The following GGTA1 variants were observed in gnomAD, a reference collection of about 807,000 sequenced individuals.
GGTA1 encodes glycoprotein alpha-galactosyltransferase 1 (inactive).
GGTA1 carries 5 observed loss-of-function variants against 2.6 expected under a neutral mutation model. The ratio of observed to expected loss-of-function variants is 1.92; its 90% CI spans 1.00 to 4.04. The LOEUF is 4.04. GGTA1 is among the 30% of genes most tolerant of loss of function. The pLI, the probability that GGTA1 is intolerant of heterozygous loss-of-function variation, is 0.00. For synonymous variants in GGTA1, 17 were observed against 5.0 expected (o/e 3.38, Z -3.19); for missense variants, 50 against 16.7 (o/e 2.99, Z -3.47).
intron 1 of GGTA1, among the ~76,000 whole-genome samples, chr9:121,498,099 T>A (rs1014862323): frequency 2.0e-5 from 3 of 152,146 alleles, no homozygotes; most frequent in Non-Finnish European, 2.9e-5. Flanking sequence ...AGTTTCCCAA[T>A]ACATAGAGGA....
intron 1 of GGTA1, among the ~76,000 whole-genome samples, chr9:121,474,707 G>A (rs894102319): frequency 1.7e-4 from 26 of 152,074 alleles, no homozygotes; most frequent in African/African-American, 4.3e-4. Flanking sequence ...TCTCCATCTC[G>A]TGCCAGGGGA....
intron 1 of GGTA1, among the ~76,000 whole-genome samples, chr9:121,482,504 C>T (rs1828674081): frequency 6.6e-6 from 1 of 152,136 alleles, no homozygotes; most frequent in South Asian, 2.1e-4. Context: ...CACAGTGGCT[C>T]ATGTCTGTAA....
intron 1 of GGTA1, 89 bp downstream of exon 1, chr9:121,499,561 C>T (rs577257655): frequency 9.2e-5 from 14 of 152,658 alleles, no homozygotes; most frequent in East Asian, 3.9e-4. Context: ...CGCCTCCACT[C>T]CCTCACCACC....
intron 2 of GGTA1, among the ~76,000 whole-genome samples, chr9:121,466,742 C>A (rs2065007420): frequency 6.6e-6 from 1 of 152,064 alleles, no homozygotes; most frequent in South Asian, 2.1e-4. Flanking sequence ...CATTTGAGGT[C>A]AGGAGTTCAA....
downstream of GGTA1, among the ~76,000 whole-genome samples, chr9:121,452,853 T>G (rs1245046251): frequency 6.6e-6 from 1 of 152,160 alleles, no homozygotes; most frequent in Non-Finnish European, 1.5e-5. Context: ...CTTATGAGGC[T>G]CTTATCTCTA....
intron 1 of GGTA1, among the ~76,000 whole-genome samples, chr9:121,469,857 A>G (rs1828350805): frequency 6.6e-6 from 1 of 152,182 alleles, no homozygotes; most frequent in Non-Finnish European, 1.5e-5. Flanking sequence ...CATCAGGGCC[A>G]GGTACGGGAC....
chr9:121,492,621 G>A (rs953291250), intron 1 of GGTA1, among the ~76,000 whole-genome samples: 4 of 152,060 alleles, frequency 2.6e-5, no homozygotes, highest in Non-Finnish European at 5.9e-5. Flanking sequence ...TTACAGGCAT[G>A]GGCCACTACG....
Position 121,485,680 on chromosome 9 carries a change from C to T in GGTA1, c.-10+13970G>A, listed in dbSNP as rs546055065. 3.6e-4 allele frequency among the ~76,000 whole-genome samples: 55 copies of T among 152,276 alleles called. No individual in the cohort carries two copies. The South Asian group carries it at 8.9e-3, about 25-fold the overall frequency. ...CACTCCCGCTCAGTGCTAGCATCCA[C>T]GCTGATTAGCACACACAAAGACCTT... is the stretch of plus-strand genomic sequence containing the variant. On this transcript the variant is annotated intron_variant, in intron 1 of 5. Transcript: ENST00000481799.
intron 1 of GGTA1, among the ~76,000 whole-genome samples, chr9:121,478,478 C>G (rs1214217244): frequency 6.6e-6 from 1 of 152,202 alleles, no homozygotes. Flanking sequence ...GCCTGCCTCC[C>G]AGGCCCAGCC....
chr9:121,486,978 G>A (rs1279492436), intron 1 of GGTA1, among the ~76,000 whole-genome samples: 2 of 152,126 alleles, frequency 1.3e-5, no homozygotes, highest in East Asian at 1.9e-4. Flanking sequence ...CTCAGAAAAC[G>A]AATCTGAAGA....
intron 7 of GGTA1, among the ~76,000 whole-genome samples, chr9:121,449,756 C>T (rs1360809049): frequency 6.7e-6 from 1 of 149,602 alleles, no homozygotes; most frequent in African/African-American, 2.5e-5. Flanking sequence ...AGGAGAATTG[C>T]CGGAACCTGG....
At chr9:121,491,476 T>A (rs184586340) in intron 1 of GGTA1, among the ~76,000 whole-genome samples, 2 of 152,152 alleles carry the variant, frequency 1.3e-5, no homozygotes, top group East Asian at 3.9e-4. Context: ...CTCTACCCGG[T>A]TCCCCCTATA....
At chr9:121,480,061 C>CTTTTTTTTTCTTTTT (rs1828608506) in intron 1 of GGTA1, among the ~76,000 whole-genome samples, 1 of 139,858 alleles carries the variant, frequency 7.2e-6, no homozygotes, top group African/African-American at 2.6e-5. Flanking sequence ...CTTTTCTTTT[C>CTTTTTTTTTCTTTTT]TTTTTTTTTT....
At chr9:121,455,969 A>G in intron 5 of GGTA1, 128 bp from the exon 6 acceptor site, 1 of 378,546 alleles carries the variant, frequency 2.6e-6, no homozygotes, top group Non-Finnish European at 5.3e-6. Context: ...CTACAAAGCC[A>G]CACAACAGCC....
chr9:121,491,875 G>C (rs1828876662), intron 1 of GGTA1, among the ~76,000 whole-genome samples: 1 of 152,152 alleles, frequency 6.6e-6, no homozygotes, highest in South Asian at 2.1e-4. Flanking sequence ...CTTCCAAAGT[G>C]GGATTACAAG....
chr9:121,495,343 C>T (rs1012257951), intron 1 of GGTA1, among the ~76,000 whole-genome samples: 1 of 151,776 alleles, frequency 6.6e-6, no homozygotes, highest in East Asian at 2.0e-4. Flanking sequence ...GTCAGGAGTT[C>T]GAGACCAGCC....
At chr9:121,481,263 C>T (rs1225174928) in intron 1 of GGTA1, among the ~76,000 whole-genome samples, 1 of 151,934 alleles carries the variant, frequency 6.6e-6, no homozygotes, top group Non-Finnish European at 1.5e-5. Context: ...TGGGATTCTA[C>T]CTAGAGCAAT....
chr9:121,497,744 C>T (rs948545985), intron 1 of GGTA1, among the ~76,000 whole-genome samples: 3 of 152,146 alleles, frequency 2.0e-5, no homozygotes, highest in Non-Finnish European at 4.4e-5. Context: ...TTTACCTCAA[C>T]CTGTGAGACC....
At chr9:121,471,698 G>A (rs1388224409) in intron 1 of GGTA1, among the ~76,000 whole-genome samples, 1 of 152,280 alleles carries the variant, frequency 6.6e-6, no homozygotes, top group South Asian at 2.1e-4. Flanking sequence ...ACCCTGAGAT[G>A]ACGAGTTTGC....
Sources: gnomAD v4.1 joint callset for allele counts (sites outside exome capture counted in the v4.1 genomes callset) on GRCh38, gnomAD v4.1.1 for gene constraint, MANE v1.5 for transcripts, NCBI Gene and HGNC (gene_info 2026-07-23, HGNC 2026-07-21) for gene names.